Variants in HYCC1 observed in about 807,000 individuals in gnomAD.
HYCC1 encodes hyccin PI4KA lipid kinase complex subunit 1.
chr7:22,985,227 G>A, the HYCC1 span, among the ~76,000 whole-genome samples: 1 of 151,966 alleles, frequency 6.6e-6, no homozygotes, highest in Non-Finnish European at 1.5e-5. Flanking sequence ...ATTTAATATG[G>A]GTTATGATTA....
the HYCC1 span, among the ~76,000 whole-genome samples, chr7:22,972,241 AAAT>A: frequency 1.3e-5 from 2 of 152,184 alleles, no homozygotes; most frequent in Non-Finnish European, 2.9e-5. Context: ...GTCAGGAGCA[AAAT>A]GGCTTACTCG....
At chr7:22,924,426 T>G in the HYCC1 span, among the ~76,000 whole-genome samples, 3 of 152,140 alleles carry the variant, frequency 2.0e-5, no homozygotes, top group Admixed American at 2.0e-4. Flanking sequence ...GGAATTCCCT[T>G]TCCTAGTCAA....
chr7:22,952,239 A>T, the HYCC1 span, among the ~76,000 whole-genome samples: 1 of 152,034 alleles, frequency 6.6e-6, no homozygotes, highest in Non-Finnish European at 1.5e-5. Flanking sequence ...TAAAAAAATA[A>T]GATGGGAAAG....
At chr7:22,918,624 A>G in the HYCC1 span, among the ~76,000 whole-genome samples, 1 of 152,166 alleles carries the variant, frequency 6.6e-6, no homozygotes, top group Non-Finnish European at 1.5e-5. Flanking sequence ...ATCACTAAAG[A>G]AGTGAAAATG....
the HYCC1 span, among the ~76,000 whole-genome samples, chr7:22,926,111 A>C: frequency 1.3e-5 from 2 of 152,124 alleles, no homozygotes; most frequent in African/African-American, 2.4e-5. Context: ...GAAACAAAAT[A>C]CTTTACAGAC....
At chr7:22,960,330 G>A in the HYCC1 span, 1 of 1,613,416 alleles carries the variant, frequency 6.2e-7, no homozygotes, top group Non-Finnish European at 8.5e-7. Context: ...GGAAGTTGGT[G>A]TGATTTCAAC....
At chr7:22,944,828 T>C in the HYCC1 span, 3 of 152,458 alleles carry the variant, frequency 2.0e-5, no homozygotes, top group Non-Finnish European at 4.4e-5. Context: ...GATCTTCACA[T>C]GCTAAATCCA....
the HYCC1 span, among the ~76,000 whole-genome samples, chr7:22,950,862 C>CAA: frequency 2.0e-5 from 3 of 149,902 alleles, no homozygotes; most frequent in African/African-American, 7.3e-5. Context: ...ACAATCTATG[C>CAA]AAATGGAGTC....
At chr7:22,972,622 T>C in the HYCC1 span, among the ~76,000 whole-genome samples, 1 of 152,228 alleles carries the variant, frequency 6.6e-6, no homozygotes, top group African/African-American at 2.4e-5. Context: ...GCAAAACTTA[T>C]TTGTAGCATT....
At chr7:22,970,688 C>G in the HYCC1 span, among the ~76,000 whole-genome samples, 1 of 152,340 alleles carries the variant, frequency 6.6e-6, no homozygotes, top group South Asian at 2.1e-4. Context: ...TCTCTTTTCT[C>G]TACTCCTTTA....
the HYCC1 span, among the ~76,000 whole-genome samples, chr7:22,975,595 T>C: frequency 6.6e-6 from 1 of 152,322 alleles, no homozygotes; most frequent in East Asian, 1.9e-4. Flanking sequence ...ATGCCAAAAC[T>C]TGAAAGGTCA....
the HYCC1 span, among the ~76,000 whole-genome samples, chr7:22,962,678 G>A: frequency 3.3e-5 from 5 of 151,900 alleles, no homozygotes; most frequent in Admixed American, 1.3e-4. Flanking sequence ...CCATCCCTGA[G>A]ATGCGGGGAC....
chr7:22,898,024 T>C, the HYCC1 span, among the ~76,000 whole-genome samples: 1 of 151,948 alleles, frequency 6.6e-6, no homozygotes, highest in Non-Finnish European at 1.5e-5. Context: ...TGATATTGCT[T>C]GAGGGATTCC....
chr7:22,907,104 CAAAAAAAA>C, the HYCC1 span, among the ~76,000 whole-genome samples: 5 of 43,548 alleles, frequency 1.1e-4, no homozygotes, highest in East Asian at 5.7e-4. Context: ...GACTCTATCT[CAAAAAAAA>C]AAAAAAAAAA....
At chr7:23,003,751 T>C in the HYCC1 span, among the ~76,000 whole-genome samples, 2 of 152,200 alleles carry the variant, frequency 1.3e-5, no homozygotes, top group African/African-American at 4.8e-5. Context: ...ACTTTCAGCC[T>C]TTAATGAGGT....
At chr7:23,006,829 T>C in the HYCC1 span, among the ~76,000 whole-genome samples, 3 of 152,160 alleles carry the variant, frequency 2.0e-5, no homozygotes, top group Non-Finnish European at 4.4e-5. Context: ...TCACTTAACA[T>C]TACTACTAAA....
the HYCC1 span, among the ~76,000 whole-genome samples, chr7:22,902,631 T>G: frequency 6.6e-6 from 1 of 152,098 alleles, no homozygotes; most frequent in Non-Finnish European, 1.5e-5. Context: ...GCCATATATA[T>G]GGTTATTTTT....
At chr7:22,996,597 T>TAAAAA in the HYCC1 span, among the ~76,000 whole-genome samples, 9,098 of 105,852 alleles carry the variant, frequency 0.086, 566 homozygotes, top group East Asian at 0.13. Context: ...GTACAATTGT[T>TAAAAA]AAAAAAAAAA....
At chr7:22,946,007 C>T in the HYCC1 span, 312 of 1,613,564 alleles carry the variant, frequency 1.9e-4, no homozygotes, top group Non-Finnish European at 2.4e-4. Context: ...TCCTCCTGAC[C>T]GTCTGTGGTT....
Sources: allele counts gnomAD v4.1 joint callset (sites outside exome capture counted in the v4.1 genomes callset), GRCh38; gene constraint gnomAD v4.1.1; transcripts MANE v1.5; gene names NCBI Gene and HGNC (gene_info 2026-07-23, HGNC 2026-07-21).